Variants in DHRS3 observed in about 807,000 individuals in gnomAD.
DHRS3 encodes short-chain dehydrogenase/reductase 3.
DHRS3 carries 14 observed loss-of-function variants against 27.2 expected under a neutral mutation model. The ratio of observed to expected loss-of-function variants is 0.52; its 90% CI spans 0.34 to 0.81. The LOEUF (loss-of-function observed/expected upper bound fraction) is 0.81, where lower values mean the gene tolerates loss of function less well. Ranked by LOEUF, DHRS3 falls within the 30% of genes least tolerant of loss-of-function variation. DHRS3 has a pLI of 0.01. For synonymous variants in DHRS3, 165 were observed against 175.9 expected (o/e 0.94, Z 0.49); for missense variants, 322 against 406.2 (o/e 0.79, Z 1.78).
intron 1 of DHRS3, among the ~76,000 whole-genome samples, chr1:12,588,967 C>A (rs1646722476): frequency 6.6e-6 from 1 of 152,182 alleles, no homozygotes; most frequent in Admixed American, 6.6e-5. Flanking sequence ...AAGAAAATAC[C>A]CGCCAGAGAC....
chr1:12,580,412 G>A (rs1180577371), intron 2 of DHRS3, 111 bp downstream of exon 2: 1 of 1,514,186 alleles, frequency 6.6e-7, no homozygotes, highest in South Asian at 1.2e-5. Flanking sequence ...CCCGGGCAAA[G>A]CCATTCTGCC....
chr1:12,569,948 G>C (rs925646350), intron 5 of DHRS3: 1 of 152,102 alleles, frequency 6.6e-6, no homozygotes, highest in South Asian at 2.1e-4. Context: ...GTTCTTATTC[G>C]GTCTATTTTT....
intron 1 of DHRS3, among the ~76,000 whole-genome samples, chr1:12,604,606 CCTCTCCATGACCCTGAATGAGG>C (rs1400987236): frequency 1.3e-5 from 2 of 152,196 alleles, no homozygotes; most frequent in Non-Finnish European, 2.9e-5. Flanking sequence ...TGTCTCTTGA[CCTCTCCATGACCCTGAATGAGG>C]CAGGCCAGGC....
chr1:12,589,570 G>A (rs1264982575), intron 1 of DHRS3, among the ~76,000 whole-genome samples: 1 of 151,864 alleles, frequency 6.6e-6, no homozygotes, highest in Non-Finnish European at 1.5e-5. Flanking sequence ...TGTATTTTTA[G>A]TTGAGATGGG....
At position 12,601,983 on chromosome 1, in the gene DHRS3, T is replaced by C. The variant is rs529926299; in HGVS notation, c.195+15171A>G. Reference sequence around the variant, plus strand: ...ATTCATTTAGGCAACAACCATTTATTAAGTATCTACTGTGGGCCAGATACT... The same window carrying C: ...ATTCATTTAGGCAACAACCATTTATCAAGTATCTACTGTGGGCCAGATACT... On this transcript the variant is annotated intron_variant, in intron 1 of 5. Transcript: ENST00000616661. Among the ~76,000 whole-genome samples, 4 of 152,336 alleles carry C rather than the reference T, an allele frequency of 2.6e-5. 1 individual carries two copies. The Middle Eastern group carries it at 0.01, about 389-fold the overall frequency.
At chr1:12,580,397 G>A in intron 2 of DHRS3, 126 bp downstream of exon 2, 3 of 1,364,730 alleles carry the variant, frequency 2.2e-6, no homozygotes, top group Non-Finnish European at 3.1e-6. Flanking sequence ...AGTCCCCAAA[G>A]GTGCCCCGGG....
chr1:12,586,306 G>GC lies in DHRS3; in HGVS notation c.196-5641dup, dbSNP rs576717838. Reference sequence around the variant, plus strand: ...AACAGGATTTGAACCCAGAGCCTTGGCCCTTTGCAGAGGCACCCCTAAGCC... The same window carrying GC: ...AACAGGATTTGAACCCAGAGCCTTGGCCCCTTTGCAGAGGCACCCCTAAGCC... On this transcript the variant is annotated intron_variant, in intron 1 of 5. Coordinates refer to ENST00000616661, the MANE Select transcript of DHRS3 (RefSeq NM_004753.7). This position sits in a 1 kb window ranked among gnomAD's most constrained non-coding sequence, Gnocchi z 5.0. Among the ~76,000 whole-genome samples the GC allele has an allele frequency of 5.9e-5, 9 of 152,338 alleles. No homozygotes were observed. The South Asian group carries it at 1.9e-3, about 32-fold the overall frequency.
chr1:12,599,924 G>T (rs1479014083), intron 1 of DHRS3, among the ~76,000 whole-genome samples: 1 of 152,192 alleles, frequency 6.6e-6, no homozygotes, highest in Non-Finnish European at 1.5e-5. Flanking sequence ...GCTCTGAGGA[G>T]TAAATCAGAT....
At chr1:12,611,241 G>A (rs1259636894) in intron 1 of DHRS3, among the ~76,000 whole-genome samples, 2 of 152,188 alleles carry the variant, frequency 1.3e-5, no homozygotes, top group African/African-American at 4.8e-5. Context: ...TAGCAGAAGG[G>A]CTGGGTGCAC....
In DHRS3 at chr1:12,594,185, C is replaced by T. The variant is rs1038306334; in HGVS notation, c.196-13519G>A. Among the ~76,000 whole-genome samples the T allele has an allele frequency of 1.3e-5, 2 of 152,200 alleles. No individual in the cohort carries two copies. Among genetic ancestry groups the T allele is most frequent in the Non-Finnish European group, 2.9e-5 (2 of 68,042 alleles). Reference sequence around the variant, plus strand: ...CACCGGGGTGGGATTCAAATTTGGACAGTCTAAGTAACTCATGCAGGCTGC... The same window carrying T: ...CACCGGGGTGGGATTCAAATTTGGATAGTCTAAGTAACTCATGCAGGCTGC... On this transcript the variant is annotated intron_variant, in intron 1 of 5. Coordinates refer to ENST00000616661, the MANE Select transcript of DHRS3 (RefSeq NM_004753.7). The surrounding 1 kb of genome is among the most constrained non-coding windows in gnomAD (Gnocchi z 4.1).
chr1:12,571,612 C>T (rs1422800802), intron 5 of DHRS3, among the ~76,000 whole-genome samples: 1 of 149,636 alleles, frequency 6.7e-6, no homozygotes, highest in African/African-American at 2.5e-5. Context: ...CTCACCTCAA[C>T]CTCTGCCTCC....
intron 4 of DHRS3, among the ~76,000 whole-genome samples, chr1:12,577,564 C>T (rs541534980): frequency 2.4e-4 from 36 of 152,290 alleles, no homozygotes; most frequent in Admixed American, 4.6e-4. Flanking sequence ...GTGGCTCACA[C>T]CTGTCATCCC....
chr1:12,568,346 C>T lies in DHRS3; in HGVS notation c.903G>A (p.Arg301=), dbSNP rs776976519. The change falls in exon 6 of 6, where the codon CGG becomes CGA. Residue 301 remains arginine (R), a synonymous_variant. Transcript: ENST00000616661. ...TYTCMNTFKG[R]T ...GCATGTCTTCATCCTGTCTCTATGT[C>T]CGCCCTTTGAAAGTGTTCATGCAGG... 1.9e-6 allele frequency: 3 copies of T among 1,613,724 alleles called. No individual in the cohort carries two copies. The Admixed American group carries it at 5.0e-5, about 27-fold the overall frequency.
At chr1:12,601,323 CAG>C (rs1646834505) in intron 1 of DHRS3, among the ~76,000 whole-genome samples, 1 of 152,060 alleles carries the variant, frequency 6.6e-6, no homozygotes, top group Admixed American at 6.5e-5. Context: ...CAGTCACTGC[CAG>C]AGAGACCCAA....
chr1:12,578,748 C>G lies in DHRS3; in HGVS notation c.668G>C (p.Ser223Thr). 1 of 1,614,028 alleles carries G rather than the reference C, an allele frequency of 6.2e-7. No individual in the cohort carries two copies. The highest frequency in any genetic ancestry group is 8.5e-7 in the Non-Finnish European group (1 of 1,179,962). The change falls in exon 4 of 6, where the codon AGC becomes ACC. Residue 223 changes from serine to threonine, a missense_variant. By Grantham distance (58) the Ser-to-Thr change is moderately conservative. Coordinates refer to ENST00000616661, the MANE Select transcript of DHRS3 (RefSeq NM_004753.7). This position sits in a 1 kb window ranked among gnomAD's most constrained non-coding sequence, Gnocchi z 4.5. ...TCTCATGCCCTGGAACATCTCGGTG[C>G]TGGTGTGGAAGGGCAGCACTGTGGT... ...SATTVLPFHT[S>T]TEMFQGMRVR...
intron 1 of DHRS3, among the ~76,000 whole-genome samples, chr1:12,588,354 C>G (rs1646715612): frequency 6.6e-6 from 1 of 152,160 alleles, no homozygotes; most frequent in African/African-American, 2.4e-5. Flanking sequence ...TCCTCACAAC[C>G]CCTCGAGGTG....
At position 12,594,437 on chromosome 1, in the gene DHRS3, T is replaced by TATAGTAAGTATA. The variant is rs1646771829; in HGVS notation, c.196-13772_196-13771insTATACTTACTAT. On this transcript the variant is annotated intron_variant, in intron 1 of 5. Coordinates refer to ENST00000616661, the MANE Select transcript of DHRS3 (RefSeq NM_004753.7). This position sits in a 1 kb window ranked among gnomAD's most constrained non-coding sequence, Gnocchi z 4.1. Reference sequence around the variant, plus strand: ...ACACTTGTTCACGTGAACGAATGACTGTATAGTAAGTAGTTTTCTAGCCAC... The same window carrying TATAGTAAGTATA: ...ACACTTGTTCACGTGAACGAATGACTATAGTAAGTATAGTATAGTAAGTAGTTTTCTAGCCAC... Among the ~76,000 whole-genome samples, 1 of 152,182 alleles carries TATAGTAAGTATA rather than the reference T, an allele frequency of 6.6e-6. No homozygotes were observed. Among genetic ancestry groups the TATAGTAAGTATA allele is most frequent in the Admixed American group, 6.5e-5 (1 of 15,280 alleles).
intron 5 of DHRS3, among the ~76,000 whole-genome samples, chr1:12,569,722 T>C (rs1175757671): frequency 1.3e-5 from 2 of 152,142 alleles, no homozygotes; most frequent in Non-Finnish European, 2.9e-5. Context: ...TGCGCCACCA[T>C]GCCCGCCTAA....
chr1:12,585,701 G>T (rs193276918), intron 1 of DHRS3, among the ~76,000 whole-genome samples: 1 of 152,170 alleles, frequency 6.6e-6, no homozygotes, highest in Non-Finnish European at 1.5e-5. Flanking sequence ...GGCAGATACC[G>T]CTCTGCAGGC....
Sources: allele counts gnomAD v4.1 joint callset (sites outside exome capture counted in the v4.1 genomes callset), GRCh38; gene constraint gnomAD v4.1.1; non-coding constraint Gnocchi (gnomAD v3.1); transcripts MANE v1.5; gene names NCBI Gene and HGNC (gene_info 2026-07-23, HGNC 2026-07-21).